Variants in PLD5 observed in about 807,000 individuals in gnomAD.
The protein encoded by PLD5 is phospholipase D family member 5.
Under a neutral mutation model 61.1 loss-of-function variants are expected in PLD5, and 36 were observed. The observed-to-expected ratio is 0.59, with a 90% CI of 0.45 to 0.78. The LOEUF is 0.78. PLD5 is among the 30% of genes least tolerant of loss of function. PLD5 has a pLI of 0.00. For missense variants in PLD5, 515 were observed against 644.4 expected, an observed-to-expected ratio of 0.80 and a Z score of 2.17; for synonymous variants, 243 against 242.8, an observed-to-expected ratio of 1.00 and a Z score of -0.01.
intron 4 of PLD5, among the ~76,000 whole-genome samples, chr1:242,254,857 T>C (rs186694439): frequency 3.0e-4 from 46 of 152,294 alleles, no homozygotes; most frequent in Non-Finnish European, 5.0e-4. Flanking sequence ...CAAACGAGCA[T>C]AGGATGAAAA....
chr1:242,276,737 T>C (rs1011332768), intron 3 of PLD5, among the ~76,000 whole-genome samples: 2 of 151,970 alleles, frequency 1.3e-5, no homozygotes, highest in Admixed American at 6.6e-5. Context: ...TACTCATTTT[T>C]TGGCAATGAG....
At chr1:242,513,996 A>T (rs548812273) in intron 1 of PLD5, among the ~76,000 whole-genome samples, 59 of 152,240 alleles carry the variant, frequency 3.9e-4, no homozygotes, top group African/African-American at 1.3e-3. Context: ...CACAATTCCT[A>T]TATGGACCAC....
chr1:242,436,395 C>A lies in PLD5; in HGVS notation c.189+87693G>T, dbSNP rs368158362. ...TTGCCTCCAGAGTCCACATGCCTGTCATAAATGTTTAACTGGTAGGGTCAT... is the reference window on the plus strand; with the variant it reads ...TTGCCTCCAGAGTCCACATGCCTGTAATAAATGTTTAACTGGTAGGGTCAT... On this transcript the variant is annotated intron_variant, in intron 1 of 9. Transcript: ENST00000536534. Among the ~76,000 whole-genome samples, 11 of 152,242 alleles carry A rather than the reference C, an allele frequency of 7.2e-5. 1 individual carries two copies. Among genetic ancestry groups the A allele is most frequent in the African/African-American group, 1.9e-4 (8 of 41,534 alleles).
chr1:242,148,744 CTG>C (rs1272683696), intron 5 of PLD5, among the ~76,000 whole-genome samples: 1 of 151,722 alleles, frequency 6.6e-6, no homozygotes, highest in African/African-American at 2.4e-5. Flanking sequence ...GTAAATAATA[CTG>C]TCTTTTAAAT....
intron 5 of PLD5, among the ~76,000 whole-genome samples, chr1:242,203,119 G>C (rs1376921766): frequency 6.6e-6 from 1 of 152,128 alleles, no homozygotes; most frequent in Non-Finnish European, 1.5e-5. Context: ...CTTGATTAAC[G>C]ATGGCCAGCT....
At chr1:242,233,323 A>C (rs1302732678) in intron 4 of PLD5, among the ~76,000 whole-genome samples, 1 of 152,218 alleles carries the variant, frequency 6.6e-6, no homozygotes, top group Non-Finnish European at 1.5e-5. Flanking sequence ...TGTTGCCCAC[A>C]GCTACCAAGT....
At chr1:242,362,382 T>G (rs1242060392) in intron 1 of PLD5, among the ~76,000 whole-genome samples, 1 of 152,232 alleles carries the variant, frequency 6.6e-6, no homozygotes, top group Non-Finnish European at 1.5e-5. Context: ...TTTTTCATTT[T>G]CTTTTTGATT....
intron 4 of PLD5, among the ~76,000 whole-genome samples, chr1:242,233,129 G>C (rs1671414062): frequency 6.6e-6 from 1 of 151,974 alleles, no homozygotes; most frequent in Admixed American, 6.6e-5. Flanking sequence ...ACTCCAGTCT[G>C]GGTGACAGAG....
chr1:242,260,821 G>A (rs1673336945), intron 4 of PLD5, among the ~76,000 whole-genome samples: 1 of 152,198 alleles, frequency 6.6e-6, no homozygotes. Flanking sequence ...GTAGACTGCA[G>A]TAGAAATCAG....
chr1:242,233,511 T>C (rs1328156064), intron 4 of PLD5, among the ~76,000 whole-genome samples: 1 of 151,938 alleles, frequency 6.6e-6, no homozygotes, highest in African/African-American at 2.4e-5. Context: ...CTATTCAATA[T>C]TGTTCCTTAA....
At chr1:242,476,391 C>CA (rs1170087676) in intron 1 of PLD5, among the ~76,000 whole-genome samples, 2 of 151,872 alleles carry the variant, frequency 1.3e-5, no homozygotes, top group Non-Finnish European at 2.9e-5. Context: ...AAAACCCCCC[C>CA]AAATGGAGCG....
chr1:242,239,046 T>A (rs1271154189), intron 4 of PLD5, among the ~76,000 whole-genome samples: 1 of 152,206 alleles, frequency 6.6e-6, no homozygotes, highest in Non-Finnish European at 1.5e-5. Context: ...TAAAAGGTGA[T>A]CATTCAAAAT....
rs181461080 is a variant in PLD5 at position 242,375,599 on chromosome 1, A to G, written c.190-27357T>C. On this transcript the variant is annotated intron_variant, in intron 1 of 9. Coordinates refer to ENST00000536534, the MANE Select transcript of PLD5 (RefSeq NM_001372062.1). ...CAAGTATCTATATATACACAAAAGA[A>G]TTCCTTTACTTAAAAAAATAAGTAC... 3.0e-3 allele frequency among the ~76,000 whole-genome samples: 463 copies of G among 152,326 alleles called. 3 individuals carry two copies. Among genetic ancestry groups the G allele is most frequent in the Non-Finnish European group, 5.4e-3 (367 of 68,028 alleles).
intron 1 of PLD5, among the ~76,000 whole-genome samples, chr1:242,397,726 C>A (rs1320188993): frequency 6.6e-6 from 1 of 151,860 alleles, no homozygotes; most frequent in African/African-American, 2.4e-5. Flanking sequence ...ATTCTAATAT[C>A]ATCTCCTGTG....
At chr1:242,394,113 A>AGTATATATATGT (rs1663179638) in intron 1 of PLD5, among the ~76,000 whole-genome samples, 1 of 135,212 alleles carries the variant, frequency 7.4e-6, no homozygotes, top group African/African-American at 2.7e-5. Context: ...TATATATATG[A>AGTATATATATGT]GTATATATAT....
chr1:242,402,773 T>C (rs1263580083), intron 1 of PLD5, among the ~76,000 whole-genome samples: 2 of 152,220 alleles, frequency 1.3e-5, no homozygotes, highest in African/African-American at 4.8e-5. Context: ...CAGCACTGCA[T>C]ATGGTAAGCA....
At chr1:242,473,687 A>C (rs1279975822) in intron 1 of PLD5, among the ~76,000 whole-genome samples, 1 of 152,202 alleles carries the variant, frequency 6.6e-6, no homozygotes, top group Non-Finnish European at 1.5e-5. Context: ...TAGCTCTAGT[A>C]ATTAGTAGGA....
chr1:242,213,138 C>T (rs1165760495), intron 5 of PLD5, among the ~76,000 whole-genome samples: 4 of 152,134 alleles, frequency 2.6e-5, no homozygotes, highest in Admixed American at 2.6e-4. Context: ...CACAATTGGC[C>T]TATAATTGTT....
chr1:242,272,202 A>G (rs1674131226), intron 3 of PLD5, among the ~76,000 whole-genome samples: 1 of 152,154 alleles, frequency 6.6e-6, no homozygotes. Context: ...GACACAATTT[A>G]TGGTGCTTTG....
Sources: allele counts gnomAD v4.1 joint callset (sites outside exome capture counted in the v4.1 genomes callset), GRCh38; gene constraint gnomAD v4.1.1; transcripts MANE v1.5; gene names NCBI Gene and HGNC (gene_info 2026-07-23, HGNC 2026-07-21).